Variants in TBCA observed in about 807,000 individuals in gnomAD.
TBCA encodes the protein tubulin-specific chaperone A.
A neutral mutation model predicts 15.8 loss-of-function variants in TBCA; 6 were observed. The ratio of observed to expected loss-of-function variants is 0.38; its 90% CI spans 0.21 to 0.75. The LOEUF (loss-of-function observed/expected upper bound fraction) is 0.75. Ranked by LOEUF, TBCA falls within the 30% of genes least tolerant of loss-of-function variation. The pLI, the probability that TBCA is intolerant of heterozygous loss-of-function variation, is 0.46. For synonymous variants in TBCA, 32 were observed against 42.3 expected (o/e 0.76, Z 0.94); for missense variants, 90 against 131.2 (o/e 0.69, Z 1.53).
chr5:77,760,130 C>G (rs1747576155), intron 1 of TBCA, among the ~76,000 whole-genome samples: 1 of 152,158 alleles, frequency 6.6e-6, no homozygotes, highest in African/African-American at 2.4e-5. Flanking sequence ...GAAGAAAAGA[C>G]AGCATTTGAT....
intron 1 of TBCA, among the ~76,000 whole-genome samples, chr5:77,763,633 T>A (rs1365325060): frequency 6.6e-6 from 1 of 152,156 alleles, no homozygotes; most frequent in Middle Eastern, 3.2e-3. Context: ...CAGAGAGCTC[T>A]CCAGATCTCT....
intron 1 of TBCA, among the ~76,000 whole-genome samples, chr5:77,751,527 AGTC>A (rs1391143433): frequency 6.6e-6 from 1 of 151,650 alleles, no homozygotes; most frequent in Non-Finnish European, 1.5e-5. Context: ...CCAAGAAGGG[AGTC>A]CATTAAGATG....
chr5:77,741,383 A>G (rs545891673), intron 1 of TBCA, among the ~76,000 whole-genome samples: 12 of 152,168 alleles, frequency 7.9e-5, no homozygotes, highest in Non-Finnish European at 1.5e-4. Flanking sequence ...GAGATCACAG[A>G]ATGTTGGCTT....
At chr5:77,728,755 G>C (rs1206952400) in intron 1 of TBCA, among the ~76,000 whole-genome samples, 1 of 152,040 alleles carries the variant, frequency 6.6e-6, no homozygotes, top group Admixed American at 6.5e-5. Context: ...TGGAACTAAA[G>C]ACTACGTCAG....
At chr5:77,742,673 T>C (rs1747071249) in intron 1 of TBCA, among the ~76,000 whole-genome samples, 1 of 152,210 alleles carries the variant, frequency 6.6e-6, no homozygotes, top group Admixed American at 6.5e-5. Context: ...TTTGCTGAAA[T>C]ACAATTCCGA....
intron 1 of TBCA, among the ~76,000 whole-genome samples, chr5:77,737,702 A>G (rs1046227733): frequency 9.9e-5 from 15 of 152,240 alleles, no homozygotes; most frequent in African/African-American, 3.4e-4. Context: ...AAATTAAACT[A>G]TCAGCAGAAA....
rs567264549 is a variant in TBCA, at chr5:77,692,443, T to C, written c.246+823A>G. 4.2e-6 allele frequency: 4 copies of C among 950,028 alleles called. No homozygotes were observed. The East Asian group carries it at 4.6e-4, about 110-fold the overall frequency. 58.8% of individuals were successfully genotyped at this position (950,028 alleles called of 1,614,324 possible). On this transcript the variant is annotated intron_variant, in intron 3 of 3. Transcript: ENST00000380377. ...AATATATCATCCAAATACATTATTATTATTATTATTATTTTGGTATTTTTA... is the reference window on the plus strand; with the variant it reads ...AATATATCATCCAAATACATTATTACTATTATTATTATTTTGGTATTTTTA...
intron 1 of TBCA, among the ~76,000 whole-genome samples, chr5:77,737,175 A>G (rs1227324397): frequency 6.6e-6 from 1 of 152,228 alleles, no homozygotes; most frequent in Non-Finnish European, 1.5e-5. Context: ...GGTACTCAAG[A>G]GTATTCCAGA....
chr5:77,756,423 TGGGA>T (rs2112500258), intron 1 of TBCA, among the ~76,000 whole-genome samples: 1 of 152,286 alleles, frequency 6.6e-6, no homozygotes, highest in Admixed American at 6.5e-5. Flanking sequence ...ACCTTCTGGT[TGGGA>T]GGAGCACAAT....
chr5:77,703,157 A>G (rs1746063233), intron 2 of TBCA, among the ~76,000 whole-genome samples: 1 of 152,252 alleles, frequency 6.6e-6, no homozygotes, highest in South Asian at 2.1e-4. Context: ...ACTATATGCA[A>G]TAATTGCAAA....
intron 1 of TBCA, among the ~76,000 whole-genome samples, chr5:77,755,195 CAG>C (rs1382695557): frequency 1.3e-5 from 2 of 152,166 alleles, no homozygotes; most frequent in East Asian, 1.9e-4. Flanking sequence ...GAAAAGAAAG[CAG>C]AGAGACAGAG....
intron 2 of TBCA, among the ~76,000 whole-genome samples, chr5:77,699,455 A>C (rs1745954301): frequency 6.6e-6 from 1 of 152,228 alleles, no homozygotes; most frequent in Non-Finnish European, 1.5e-5. Flanking sequence ...ACTATTTTTG[A>C]CAAAGATACA....
rs142616143 is a variant in TBCA, at chr5:77,742,661, A to G, written c.53+33544T>C. Among the ~76,000 whole-genome samples, 470 of 152,338 alleles carry G rather than the reference A, an allele frequency of 3.1e-3. 1 individual carries two copies. The highest frequency in any genetic ancestry group is 0.011 in the African/African-American group (440 of 41,586). On this transcript the variant is annotated intron_variant, in intron 1 of 3. Coordinates refer to ENST00000380377, the MANE Select transcript of TBCA (RefSeq NM_004607.3). ...AAAATGTTCAGGTAATATGATTTTA[A>G]TTTTGCTGAAATACAATTCCGAAGG...
rs1159960349 is a variant in TBCA, at chr5:77,776,247, G to A, written c.11C>T (p.Pro4Leu). Residue 4 changes from proline to leucine, a missense_variant, in exon 1 of 4, where the codon CCT (proline) becomes CTT (leucine). Pro to Leu is a moderately conservative substitution (Grantham distance 98, BLOSUM62 -3). Coordinates refer to ENST00000380377, the MANE Select transcript of TBCA (RefSeq NM_004607.3). ...CTTGATCTTGATCTGTCTCACGCGA[G>A]GATCGGCCATGGTCCCTCGAGCGCC... is the stretch of plus-strand genomic sequence containing the variant. Reference protein sequence around the residue: MADPRVRQIKIKTG... With the variant: MADLRVRQIKIKTG... 10 of 1,580,120 alleles carry A rather than the reference G, an allele frequency of 6.3e-6. No individual in the cohort carries two copies. The highest frequency in any genetic ancestry group is 4.5e-4 in the Middle Eastern group (2 of 4,412).
intron 2 of TBCA, among the ~76,000 whole-genome samples, chr5:77,696,061 T>C (rs1227203437): frequency 6.6e-6 from 1 of 152,202 alleles, no homozygotes. Context: ...ATCTTCATTT[T>C]TGTCAGAAAG....
At chr5:77,720,061 T>C (rs1276020795) in intron 1 of TBCA, among the ~76,000 whole-genome samples, 1 of 152,108 alleles carries the variant, frequency 6.6e-6, no homozygotes, top group Non-Finnish European at 1.5e-5. Flanking sequence ...TATTTAGACA[T>C]CCCCACTAGC....
intron 1 of TBCA, among the ~76,000 whole-genome samples, chr5:77,732,436 A>T (rs1746794308): frequency 6.6e-6 from 1 of 151,694 alleles, no homozygotes; most frequent in Non-Finnish European, 1.5e-5. Context: ...CTGTAGGCCC[A>T]GCTACTCGGG....
chr5:77,772,141 T>C (rs1405911650), intron 1 of TBCA, among the ~76,000 whole-genome samples: 1 of 151,178 alleles, frequency 6.6e-6, no homozygotes, highest in Admixed American at 6.6e-5. Context: ...CATGTCTGAA[T>C]CATGAATTAA....
intron 1 of TBCA, among the ~76,000 whole-genome samples, chr5:77,760,428 T>C (rs899305560): frequency 6.6e-6 from 1 of 151,996 alleles, no homozygotes; most frequent in Non-Finnish European, 1.5e-5. Flanking sequence ...TCTCCTTTCC[T>C]CTCCTTTCTT....
Sources: gnomAD v4.1 joint callset for allele counts (sites outside exome capture counted in the v4.1 genomes callset) on GRCh38, gnomAD v4.1.1 for gene constraint, MANE v1.5 for transcripts, NCBI Gene and HGNC (gene_info 2026-07-23, HGNC 2026-07-21) for gene names.